The following ANKH variants were observed in gnomAD, a reference collection of about 807,000 sequenced individuals.
ANKH encodes the protein mineralization regulator ANKH.
Under a neutral mutation model 49.0 loss-of-function variants are expected in ANKH, and 15 were observed. That is an observed-to-expected ratio of 0.31 (90% confidence interval 0.20 to 0.47). The LOEUF (loss-of-function observed/expected upper bound fraction) is 0.47, where lower values mean the gene tolerates loss of function less well. Among genes scored for constraint, ANKH ranks in the 20% least tolerant of loss-of-function variants. The pLI is 1.00. For synonymous variants in ANKH, 273 were observed against 260.0 expected, an observed-to-expected ratio of 1.05 and a Z score of -0.48; for missense variants, 429 against 652.0, an observed-to-expected ratio of 0.66 and a Z score of 3.72.
At chr5:14,731,847 C>CGTTT (rs1214761880) in intron 8 of ANKH, among the ~76,000 whole-genome samples, 1 of 152,162 alleles carries the variant, frequency 6.6e-6, no homozygotes, top group African/African-American at 2.4e-5. Flanking sequence ...ACTGCCTAGG[C>CGTTT]GTTTGATGAT....
intron 8 of ANKH, among the ~76,000 whole-genome samples, chr5:14,739,297 A>G (rs1241518832): frequency 6.6e-6 from 1 of 152,086 alleles, no homozygotes; most frequent in African/African-American, 2.4e-5. Flanking sequence ...GGTGCTTGTA[A>G]TCCCAGCTAC....
chr5:14,793,313 A>G (rs1445665156), intron 1 of ANKH, among the ~76,000 whole-genome samples: 1 of 151,532 alleles, frequency 6.6e-6, no homozygotes, highest in Non-Finnish European at 1.5e-5. Flanking sequence ...CTGAAGACCC[A>G]GCGAGGACTC....
At chr5:14,759,544 GT>G (rs1323172352) in intron 2 of ANKH, among the ~76,000 whole-genome samples, 2 of 151,930 alleles carry the variant, frequency 1.3e-5, no homozygotes, top group East Asian at 3.9e-4. Flanking sequence ...TAGCCTAAGA[GT>G]TTGAGACTAG....
chr5:14,714,882 C>T (rs1342287503), intron 9 of ANKH, among the ~76,000 whole-genome samples: 1 of 152,230 alleles, frequency 6.6e-6, no homozygotes, highest in African/African-American at 2.4e-5. Flanking sequence ...CTCCAGGCCC[C>T]TCCTCTGGTC....
intron 8 of ANKH, among the ~76,000 whole-genome samples, chr5:14,739,602 G>A (rs1251010292): frequency 6.6e-6 from 1 of 152,140 alleles, no homozygotes; most frequent in Admixed American, 6.5e-5. Context: ...CACTGTTTCA[G>A]GCATGGTGGC....
rs904363981 is a variant in ANKH, at chr5:14,704,922, A to G, written c.*6275T>C. 6.6e-6 allele frequency: 1 copy of G among 152,256 alleles called. No individual in the cohort carries two copies. Among genetic ancestry groups the G allele is most frequent in the African/African-American group, 2.4e-5 (1 of 41,458 alleles). 9.4% of individuals were successfully genotyped at this position (152,256 alleles called of 1,614,324 possible). ...AAAGCATATATAAATGCTCTTACCA[A>G]TGCAAAAACTTCCATCTGTTAGATA... On this transcript the variant is annotated 3_prime_UTR_variant, in exon 12 of 12. Coordinates refer to ENST00000284268, the MANE Select transcript of ANKH (RefSeq NM_054027.6).
At chr5:14,711,420 T>G in intron 11 of ANKH, 110 bp from the exon 12 acceptor site, 1 of 870,836 alleles carries the variant, frequency 1.1e-6, no homozygotes, top group Non-Finnish European at 1.9e-6. Flanking sequence ...CACTGTAGGC[T>G]TAAACCTTCT....
At chr5:14,788,108 AAGCTTACC>A (rs1447588526) in intron 1 of ANKH, 1 of 152,198 alleles carries the variant, frequency 6.6e-6, no homozygotes, top group African/African-American at 2.4e-5. Context: ...GGAGCCCTAG[AAGCTTACC>A]AGGACTATCA....
rs1342935933 is a variant in ANKH at position 14,737,617 on chromosome 5, G to A, written c.1011+4210C>T. Among the ~76,000 whole-genome samples the A allele has an allele frequency of 3.9e-5, 6 of 152,244 alleles. No homozygotes were observed. Among genetic ancestry groups the A allele is most frequent in the Admixed American group, 1.3e-4 (2 of 15,290 alleles). On this transcript the variant is annotated intron_variant, in intron 8 of 11. Transcript: ENST00000284268. This position sits in a 1 kb window ranked among gnomAD's most constrained non-coding sequence, Gnocchi z 5.0. Reference sequence around the variant, plus strand: ...CACCAGTGGAGACACCTTGCATGGCGAGGCTGCGACGCAGTCTCCTTTGCG... The same window carrying A: ...CACCAGTGGAGACACCTTGCATGGCAAGGCTGCGACGCAGTCTCCTTTGCG...
At chr5:14,864,702 AAAAC>A (rs1443685431) in intron 1 of ANKH, among the ~76,000 whole-genome samples, 2 of 152,240 alleles carry the variant, frequency 1.3e-5, no homozygotes, top group African/African-American at 4.8e-5. Flanking sequence ...TTATATTGCA[AAAAC>A]AAACAAACCT....
intron 1 of ANKH, among the ~76,000 whole-genome samples, chr5:14,779,167 G>A (rs573199515): frequency 2.6e-5 from 4 of 152,264 alleles, no homozygotes; most frequent in African/African-American, 7.2e-5. Flanking sequence ...GGAAAGGCGG[G>A]CCTGACCAGG....
intron 8 of ANKH, among the ~76,000 whole-genome samples, chr5:14,736,963 AG>A (rs1738207558): frequency 6.6e-6 from 1 of 152,368 alleles, no homozygotes; most frequent in East Asian, 1.9e-4. Context: ...ACAGCAGAGC[AG>A]GGAGCTTGAG....
intron 2 of ANKH, among the ~76,000 whole-genome samples, chr5:14,764,504 C>A (rs771050793): frequency 1.6e-4 from 24 of 152,176 alleles, no homozygotes; most frequent in Non-Finnish European, 2.9e-4. Flanking sequence ...GACCTCCTGG[C>A]CCTCAGCTGA....
At chr5:14,798,520 T>A in intron 1 of ANKH, 2 of 764,122 alleles carry the variant, frequency 2.6e-6, no homozygotes, top group Non-Finnish European at 4.1e-6. Context: ...AAATTGAAGG[T>A]TTGTGGCAAC....
At chr5:14,729,728 G>A (rs1580011609) in intron 8 of ANKH, among the ~76,000 whole-genome samples, 1 of 152,072 alleles carries the variant, frequency 6.6e-6, no homozygotes, top group Non-Finnish European at 1.5e-5. Context: ...GGCTCTGGCG[G>A]GGAGAAAAGG....
chr5:14,819,594 G>A (rs140970880), intron 1 of ANKH, among the ~76,000 whole-genome samples: 245 of 152,160 alleles, frequency 1.6e-3, no homozygotes, highest in African/African-American at 5.7e-3. Flanking sequence ...GGCTGGGCAC[G>A]GTGACTCATG....
Position 14,871,479 on chromosome 5 carries a change from C to G in ANKH, c.-32G>C, listed in dbSNP as rs1444568625. 6 of 1,580,664 alleles carry G rather than the reference C, an allele frequency of 3.8e-6. No homozygotes were observed. Among genetic ancestry groups the G allele is most frequent in the South Asian group, 2.2e-5 (2 of 90,212 alleles). ...CGCCGTGGGCTGACCCCACACACAT[C>G]TGCTGCCGCGAGGGGACTCTGCGGG... On this transcript the variant is annotated 5_prime_UTR_variant, in exon 1 of 12. Transcript: ENST00000284268.
chr5:14,863,284 T>C (rs985766480), intron 1 of ANKH, among the ~76,000 whole-genome samples: 1 of 152,162 alleles, frequency 6.6e-6, no homozygotes, highest in African/African-American at 2.4e-5. Context: ...CTACTGGTCA[T>C]GCAGGGCTCA....
Position 14,709,975 on chromosome 5 carries a change from C to T in ANKH, c.*1222G>A, listed in dbSNP as rs192691329. ...TTCTGACTAAATCAATTTAGTGAAC[C>T]GTGTCTATAATTTTTTTAAAGGAAA... On this transcript the variant is annotated 3_prime_UTR_variant, in exon 12 of 12. Transcript: ENST00000284268. 11 of 151,960 alleles carry T rather than the reference C, an allele frequency of 7.2e-5. No homozygotes were observed. Among genetic ancestry groups the T allele is most frequent in the Admixed American group, 5.2e-4 (8 of 15,260 alleles). 9.4% of individuals were successfully genotyped at this position (151,960 alleles called of 1,614,324 possible). A position where few individuals can be genotyped will look rare whatever the true frequency, so the allele number is the denominator to read the frequency against.
Sources: gnomAD v4.1 joint callset for allele counts (sites outside exome capture counted in the v4.1 genomes callset) on GRCh38, gnomAD v4.1.1 for gene constraint, Gnocchi (gnomAD v3.1) non-coding constraint, MANE v1.5 for transcripts, NCBI Gene and HGNC (gene_info 2026-07-23, HGNC 2026-07-21) for gene names.